Variants in TGFA observed in about 807,000 individuals in gnomAD.
TGFA encodes transforming growth factor alpha.
Under a neutral mutation model 21.7 loss-of-function variants are expected in TGFA, and 12 were observed. The ratio of observed to expected loss-of-function variants is 0.55; its 90% CI spans 0.35 to 0.90. TGFA has a LOEUF of 0.90. Ranked by LOEUF, TGFA falls within the 40% of genes least tolerant of loss-of-function variation. The pLI is 0.01. For synonymous variants in TGFA, 79 were observed against 88.1 expected (o/e 0.90, Z 0.58); for missense variants, 178 against 210.8 (o/e 0.84, Z 0.96).
intron 2 of TGFA, among the ~76,000 whole-genome samples, chr2:70,471,312 A>G (rs556603805): frequency 1.4e-4 from 21 of 152,290 alleles, no homozygotes; most frequent in Non-Finnish European, 2.8e-4. Flanking sequence ...TTCACACTTG[A>G]GACCTAAGTG....
rs367729068 is a variant in TGFA, at chr2:70,456,473, G to A, written c.231C>T (p.Tyr77=). The change falls in exon 4 of 6, where the codon TAC becomes TAT. Residue 77 remains tyrosine, a synonymous_variant. Transcript: ENST00000295400. ...CCGCATGCTCACAGCGTGCACCAAC[G>A]TACCCAGAATGGCAGCTGGGGAAGA... ...DKPACVCHSG[Y]VGARCEHADL... The A allele has an allele frequency of 1.3e-5, 21 of 1,607,838 alleles. No homozygotes were observed. The highest frequency in any genetic ancestry group is 5.3e-5 in the African/African-American group (4 of 74,802).
At chr2:70,542,035 C>T (rs759002938) in intron 1 of TGFA, among the ~76,000 whole-genome samples, 5 of 152,246 alleles carry the variant, frequency 3.3e-5, no homozygotes, top group Admixed American at 6.5e-5. Context: ...TTTCCAACTG[C>T]GCTCGGTGAC....
chr2:70,486,966 G>A (rs986176412), intron 2 of TGFA, among the ~76,000 whole-genome samples: 3 of 152,120 alleles, frequency 2.0e-5, no homozygotes, highest in African/African-American at 7.2e-5. Flanking sequence ...GTTTCACTGT[G>A]TTAGCCAGGA....
At chr2:70,467,989 A>G (rs889317209) in intron 2 of TGFA, among the ~76,000 whole-genome samples, 4 of 152,174 alleles carry the variant, frequency 2.6e-5, no homozygotes, top group African/African-American at 9.7e-5. Flanking sequence ...CTCTGCAGCT[A>G]CAAGACAGCG....
chr2:70,519,418 C>G (rs910133943), intron 1 of TGFA, among the ~76,000 whole-genome samples: 2 of 152,098 alleles, frequency 1.3e-5, no homozygotes, highest in African/African-American at 4.8e-5. Flanking sequence ...ATTTTAACTG[C>G]GTAGCAAAAA....
chr2:70,489,156 G>T (rs1671351996), intron 2 of TGFA, among the ~76,000 whole-genome samples: 1 of 152,192 alleles, frequency 6.6e-6, no homozygotes, highest in Non-Finnish European at 1.5e-5. Context: ...TGTGCTGCCT[G>T]TCTGTTCCTG....
intron 1 of TGFA, among the ~76,000 whole-genome samples, chr2:70,527,656 T>G (rs1312762527): frequency 6.6e-6 from 1 of 152,206 alleles, no homozygotes; most frequent in African/African-American, 2.4e-5. Context: ...GTACCAAAAT[T>G]GACTCATCAA....
chr2:70,503,079 T>A (rs1553499448), intron 2 of TGFA, among the ~76,000 whole-genome samples: 2 of 152,142 alleles, frequency 1.3e-5, no homozygotes, highest in Non-Finnish European at 2.9e-5. Context: ...ACTGGTTATA[T>A]ACACAAAGGA....
chr2:70,480,659 T>G (rs1671087701), intron 2 of TGFA, among the ~76,000 whole-genome samples: 1 of 152,158 alleles, frequency 6.6e-6, no homozygotes, highest in African/African-American at 2.4e-5. Flanking sequence ...AGTTTCTCCA[T>G]GAGGCTATTT....
chr2:70,460,320 G>C lies in TGFA; in HGVS notation c.216-3832C>G, dbSNP rs1295681576. On this transcript the variant is annotated intron_variant, in intron 3 of 5. Coordinates refer to ENST00000295400, the MANE Select transcript of TGFA (RefSeq NM_003236.4). The stretch of plus-strand genomic sequence containing the variant: ...CTTTCTCTTCCTAGTTGTAATAATG[G>C]AAATGCTTCTCAGCTGCTCTTTATG... Among the ~76,000 whole-genome samples, 6 of 151,950 alleles carry C rather than the reference G, an allele frequency of 3.9e-5. No individual in the cohort carries two copies. In the East Asian group the frequency reaches 1.2e-3, roughly 29 times the overall value.
chr2:70,542,463 T>C (rs557858430), intron 1 of TGFA, among the ~76,000 whole-genome samples: 23 of 152,290 alleles, frequency 1.5e-4, no homozygotes, highest in Admixed American at 1.4e-3. Context: ...AAGCTGAAGA[T>C]ACGGTCTCAT....
intron 3 of TGFA, among the ~76,000 whole-genome samples, chr2:70,464,629 T>C (rs1360777241): frequency 6.6e-6 from 1 of 152,184 alleles, no homozygotes; most frequent in Non-Finnish European, 1.5e-5. Context: ...CAGCTCCAAA[T>C]GTAATAGTGC....
At chr2:70,488,561 A>AC (rs1261800563) in intron 2 of TGFA, among the ~76,000 whole-genome samples, 52 of 152,240 alleles carry the variant, frequency 3.4e-4, no homozygotes, top group African/African-American at 1.2e-3. Flanking sequence ...ATTTACTGTA[A>AC]CCTTGCAATA....
Position 70,450,683 on chromosome 2 carries a change from A to T in TGFA, c.*176T>A. The T allele has an allele frequency of 1.5e-6, 1 of 659,558 alleles. No homozygotes were observed. The highest frequency in any genetic ancestry group is 2.7e-6 in the Non-Finnish European group (1 of 372,160). 40.9% of individuals were successfully genotyped at this position (659,558 alleles called of 1,614,324 possible). ...TCTCTAGGTCACACTGAATAACCCCAAGCAGACGGAGTTCTTGACAGAGTT... is the reference window on the plus strand; with the variant it reads ...TCTCTAGGTCACACTGAATAACCCCTAGCAGACGGAGTTCTTGACAGAGTT... On this transcript the variant is annotated 3_prime_UTR_variant, in exon 6 of 6. Coordinates refer to ENST00000295400, the MANE Select transcript of TGFA (RefSeq NM_003236.4).
At chr2:70,540,160 T>A (rs1334850011) in intron 1 of TGFA, among the ~76,000 whole-genome samples, 2 of 152,206 alleles carry the variant, frequency 1.3e-5, no homozygotes, top group Non-Finnish European at 2.9e-5. Flanking sequence ...TGGTAAGTAA[T>A]CCTTCCCTTC....
chr2:70,526,482 G>A (rs891323217), intron 1 of TGFA, among the ~76,000 whole-genome samples: 5 of 152,196 alleles, frequency 3.3e-5, no homozygotes, highest in African/African-American at 1.2e-4. Context: ...AAGCTGTTCA[G>A]TTAATGCCCC....
intron 3 of TGFA, among the ~76,000 whole-genome samples, chr2:70,460,675 C>T (rs1386112060): frequency 1.3e-5 from 2 of 152,196 alleles, no homozygotes; most frequent in Non-Finnish European, 2.9e-5. Context: ...CCTCTGTGCT[C>T]TGGGGGCTGG....
intron 1 of TGFA, among the ~76,000 whole-genome samples, chr2:70,551,498 A>C (rs782533024): frequency 6.6e-6 from 1 of 152,208 alleles, no homozygotes; most frequent in Non-Finnish European, 1.5e-5. Flanking sequence ...GATCTCGGGT[A>C]GCGATGGAAC....
intron 1 of TGFA, among the ~76,000 whole-genome samples, chr2:70,542,657 A>G (rs1037846586): frequency 1.3e-4 from 20 of 152,214 alleles, no homozygotes; most frequent in African/African-American, 4.3e-4. Flanking sequence ...TTAAAGTTTA[A>G]CAAAGCATCA....
Sources: allele counts gnomAD v4.1 joint callset (sites outside exome capture counted in the v4.1 genomes callset), GRCh38; gene constraint gnomAD v4.1.1; transcripts MANE v1.5; gene names NCBI Gene and HGNC (gene_info 2026-07-23, HGNC 2026-07-21).